BACH2: variants seen among roughly 807,000 people sequenced by gnomAD.
BACH2 encodes the protein transcription regulator protein BACH2.
Under a neutral mutation model 61.8 loss-of-function variants are expected in BACH2, and 5 were observed. The observed-to-expected ratio is 0.08, with a 90% CI of 0.04 to 0.17. BACH2 has a LOEUF of 0.17. Ranked by LOEUF, BACH2 falls within the 10% of genes least tolerant of loss-of-function variation. BACH2 has a pLI of 1.00. For missense variants in BACH2, 824 were observed against 1,091.1 expected, an observed-to-expected ratio of 0.76 and a Z score of 3.45; for synonymous variants, 446 against 440.1, an observed-to-expected ratio of 1.01 and a Z score of -0.17.
intron 5 of BACH2, among the ~76,000 whole-genome samples, chr6:90,028,726 T>C (rs1056955088): frequency 2.0e-5 from 3 of 152,236 alleles, no homozygotes; most frequent in Non-Finnish European, 4.4e-5. Context: ...CATACAAAGA[T>C]GGTCTACAGA....
At chr6:90,150,463 ACACTTATCAATTACTACGGC>A (rs1562475443) in intron 4 of BACH2, among the ~76,000 whole-genome samples, 2 of 152,198 alleles carry the variant, frequency 1.3e-5, no homozygotes, top group South Asian at 4.1e-4. Flanking sequence ...CTACTATCTA[ACACTTATCAATTACTACGGC>A]CACTTCATTA....
intron 3 of BACH2, among the ~76,000 whole-genome samples, chr6:90,241,283 C>G (rs1016816362): frequency 2.6e-5 from 4 of 151,958 alleles, no homozygotes; most frequent in African/African-American, 9.7e-5. Context: ...CAGACACTAG[C>G]CTGTAGGGTG....
intron 4 of BACH2, among the ~76,000 whole-genome samples, chr6:90,104,981 G>T (rs891802491): frequency 1.3e-5 from 2 of 152,210 alleles, no homozygotes; most frequent in African/African-American, 4.8e-5. Flanking sequence ...CAGAAGGACA[G>T]AATGTATTTT....
intron 5 of BACH2, among the ~76,000 whole-genome samples, chr6:90,040,759 C>A (rs1387687874): frequency 1.3e-5 from 2 of 151,786 alleles, no homozygotes; most frequent in East Asian, 1.9e-4. Context: ...GAGTTCAATT[C>A]CTATATTTAT....
Position 90,172,861 on chromosome 6 carries a change from C to A in BACH2, c.-162+33708G>T, listed in dbSNP as rs59774151. 7.8e-3 allele frequency among the ~76,000 whole-genome samples: 1,188 copies of A among 151,990 alleles called. 11 individuals carry two copies. The highest frequency in any genetic ancestry group is 0.021 in the African/African-American group (874 of 41,480). ...TATAAAAAACAGCTGCTACTGTATA[C>A]AAATTGTAATAATGTGTAATATAAA... On this transcript the variant is annotated intron_variant, in intron 4 of 8. Coordinates refer to ENST00000257749, the MANE Select transcript of BACH2 (RefSeq NM_021813.4).
intron 7 of BACH2, among the ~76,000 whole-genome samples, chr6:89,939,512 G>T (rs1437005270): frequency 4.6e-5 from 7 of 152,100 alleles, no homozygotes; most frequent in Non-Finnish European, 1.0e-4. Context: ...TTGGATGCAG[G>T]TACTTGCCAG....
intron 4 of BACH2, among the ~76,000 whole-genome samples, chr6:90,189,685 G>A (rs1768499090): frequency 1.3e-5 from 2 of 151,392 alleles, no homozygotes; most frequent in African/African-American, 4.8e-5. Context: ...GACAGGGGAT[G>A]CTACTTAATT....
chr6:89,965,587 A>G (rs1396822316), intron 6 of BACH2, among the ~76,000 whole-genome samples: 1 of 152,242 alleles, frequency 6.6e-6, no homozygotes, highest in Non-Finnish European at 1.5e-5. Flanking sequence ...TATTAGTTGA[A>G]CTAAACCGAG....
chr6:90,181,330 T>G (rs908606652), intron 4 of BACH2, among the ~76,000 whole-genome samples: 7 of 140,618 alleles, frequency 5.0e-5, no homozygotes, highest in Non-Finnish European at 7.8e-5. Flanking sequence ...CACTGTGTGG[T>G]GTGTGTGTGT....
At chr6:89,994,784 A>G (rs1288246986) in intron 6 of BACH2, among the ~76,000 whole-genome samples, 1 of 152,186 alleles carries the variant, frequency 6.6e-6, no homozygotes, top group Non-Finnish European at 1.5e-5. Context: ...TTTCTTCATT[A>G]TAGAAATGTA....
At position 90,291,592 on chromosome 6, in the gene BACH2, T is replaced by TA. The variant is rs1332297895; in HGVS notation, c.-446+4887dup. The stretch of plus-strand genomic sequence containing the variant: ...AAAAGCAACTACTGTCTTTTTTTTT[T>TA]AAATTAAATGTCATCACAAACAAAA... On this transcript the variant is annotated intron_variant, in intron 1 of 8. Coordinates refer to ENST00000257749, the MANE Select transcript of BACH2 (RefSeq NM_021813.4). Among the ~76,000 whole-genome samples the TA allele has an allele frequency of 2.7e-5, 4 of 148,804 alleles. No individual in the cohort carries two copies. The East Asian group carries it at 7.7e-4, about 29-fold the overall frequency.
chr6:90,246,808 G>A (rs576538482), intron 3 of BACH2, among the ~76,000 whole-genome samples: 2 of 152,166 alleles, frequency 1.3e-5, no homozygotes, highest in Admixed American at 6.5e-5. Context: ...ATAAAGCAGG[G>A]TACCTTGGCT....
chr6:90,207,079 G>A (rs1769170757), intron 3 of BACH2, among the ~76,000 whole-genome samples: 4 of 151,982 alleles, frequency 2.6e-5, no homozygotes, highest in Non-Finnish European at 4.4e-5. Context: ...GAGTAAAAGG[G>A]TCATTGTACA....
intron 4 of BACH2, among the ~76,000 whole-genome samples, chr6:90,195,632 T>C (rs961995341): frequency 2.0e-5 from 3 of 152,178 alleles, no homozygotes; most frequent in African/African-American, 7.2e-5. Context: ...ATTTCGAGTA[T>C]TGATTCGCTG....
At position 90,193,612 on chromosome 6, in the gene BACH2, C is replaced by T. The variant is rs530444868; in HGVS notation, c.-162+12957G>A. Among the ~76,000 whole-genome samples, 35 of 152,278 alleles carry T rather than the reference C, an allele frequency of 2.3e-4. No homozygotes were observed. The South Asian group carries it at 3.9e-3, about 17-fold the overall frequency. ...CAAAATAGATGGTGAGGCCAGAAGA[C>T]GGAAGGCACCTGAGTTCAGGATTCC... On this transcript the variant is annotated intron_variant, in intron 4 of 8. Coordinates refer to ENST00000257749, the MANE Select transcript of BACH2 (RefSeq NM_021813.4).
At chr6:90,006,552 A>G (rs1582181756) in intron 6 of BACH2, among the ~76,000 whole-genome samples, 1 of 152,340 alleles carries the variant, frequency 6.6e-6, no homozygotes, top group East Asian at 1.9e-4. Context: ...GTAATGGAGC[A>G]TTCTATTTTG....
At chr6:90,255,910 A>C (rs1186818587) in intron 2 of BACH2, among the ~76,000 whole-genome samples, 1 of 152,240 alleles carries the variant, frequency 6.6e-6, no homozygotes, top group Non-Finnish European at 1.5e-5. Flanking sequence ...CAACACACAG[A>C]GTGACATATG....
chr6:89,943,337 A>G (rs142506453), intron 7 of BACH2, among the ~76,000 whole-genome samples: 4 of 152,158 alleles, frequency 2.6e-5, no homozygotes, highest in African/African-American at 9.7e-5. Context: ...TTCCCTGCCA[A>G]CAGCCACGAC....
rs556969191 is a variant in BACH2, at chr6:90,050,281, A to C, written c.-13+38680T>G. 5.3e-5 allele frequency among the ~76,000 whole-genome samples: 8 copies of C among 152,228 alleles called. No homozygotes were observed. In the South Asian group the frequency reaches 8.3e-4, roughly 16 times the overall value. On this transcript the variant is annotated intron_variant, in intron 5 of 8. Transcript: ENST00000257749. ...ATTTGATGTGCAAGGCAGAGTAATG[A>C]ATTTTAATATAATGGAGTTTGAAAA... is the stretch of plus-strand genomic sequence containing the variant.
Sources: gnomAD v4.1 joint callset for allele counts (sites outside exome capture counted in the v4.1 genomes callset) on GRCh38, gnomAD v4.1.1 for gene constraint, MANE v1.5 for transcripts, NCBI Gene and HGNC (gene_info 2026-07-23, HGNC 2026-07-21) for gene names.